HS6ST3: variants seen among roughly 807,000 people sequenced by gnomAD.
HS6ST3 encodes heparan sulfate 6-O-sulfotransferase 3.
Under a neutral mutation model 36.7 loss-of-function variants are expected in HS6ST3, and 12 were observed. The ratio of observed to expected loss-of-function variants is 0.33; its 90% confidence interval spans 0.21 to 0.53. HS6ST3 has a LOEUF of 0.53. Ranked by LOEUF, HS6ST3 falls within the 20% of genes least tolerant of loss-of-function variation. The probability of loss-of-function intolerance (pLI) is 0.95; values close to 1 mark genes in which losing one functional copy is unlikely to be tolerated. For missense variants in HS6ST3, 584 were observed against 640.9 expected (o/e 0.91, Z 0.96); for synonymous variants, 240 against 257.5 (o/e 0.93, Z 0.65).
At chr13:96,450,968 C>T (rs532452484) in intron 1 of HS6ST3, among the ~76,000 whole-genome samples, 41 of 152,192 alleles carry the variant, frequency 2.7e-4, no homozygotes, top group African/African-American at 8.9e-4. Flanking sequence ...TCAGTTTTTG[C>T]CGTGTCAAAA....
At chr13:96,569,804 G>A (rs1490449888) in intron 1 of HS6ST3, among the ~76,000 whole-genome samples, 1 of 152,140 alleles carries the variant, frequency 6.6e-6, no homozygotes, top group Non-Finnish European at 1.5e-5. Flanking sequence ...ACCCTGCTCA[G>A]GGTCACTCAG....
At chr13:96,344,137 C>T (rs1420485761) in intron 1 of HS6ST3, among the ~76,000 whole-genome samples, 1 of 151,630 alleles carries the variant, frequency 6.6e-6, no homozygotes, top group Non-Finnish European at 1.5e-5. Context: ...GGTGTGTATA[C>T]GTAGGTGTCA....
At chr13:96,253,277 G>C (rs555629615) in intron 1 of HS6ST3, among the ~76,000 whole-genome samples, 15 of 152,242 alleles carry the variant, frequency 9.9e-5, no homozygotes, top group African/African-American at 3.6e-4. Context: ...TGATTCCGCT[G>C]TGCTGACTCC....
chr13:96,688,591 T>G (rs1874853208), intron 1 of HS6ST3, among the ~76,000 whole-genome samples: 1 of 152,098 alleles, frequency 6.6e-6, no homozygotes. Flanking sequence ...TCTAACCCCA[T>G]CAACTGTCAA....
chr13:96,537,170 C>T (rs1009993666), intron 1 of HS6ST3, among the ~76,000 whole-genome samples: 10 of 152,054 alleles, frequency 6.6e-5, no homozygotes, highest in South Asian at 2.1e-4. Context: ...TGGTGGATGG[C>T]GAAAGGCTTA....
intron 1 of HS6ST3, among the ~76,000 whole-genome samples, chr13:96,494,436 AAC>A (rs2055963396): frequency 6.6e-6 from 1 of 151,748 alleles, no homozygotes; most frequent in Non-Finnish European, 1.5e-5. Flanking sequence ...AGATACACCT[AAC>A]ATTAAATGAC....
chr13:96,699,812 T>C (rs1222135675), intron 1 of HS6ST3, among the ~76,000 whole-genome samples: 1 of 152,250 alleles, frequency 6.6e-6, no homozygotes, highest in Non-Finnish European at 1.5e-5. Flanking sequence ...ATTGCGGCAC[T>C]ATTCACAATA....
At position 96,817,294 on chromosome 13, in the gene HS6ST3, T is replaced by C. The variant is rs185761837; in HGVS notation, c.708-15196T>C. On this transcript the variant is annotated intron_variant, in intron 1 of 1. Transcript: ENST00000376705. ...TTTTAACCTTTGGTGAAATTTGCAG[T>C]GTTGGGATTTTTTATGCTAGAGTGG... Among the ~76,000 whole-genome samples, 5 of 152,282 alleles carry C rather than the reference T, an allele frequency of 3.3e-5. No homozygotes were observed. The East Asian group carries it at 9.7e-4, about 29-fold the overall frequency.
intron 1 of HS6ST3, among the ~76,000 whole-genome samples, chr13:96,526,270 G>T (rs989602390): frequency 1.3e-5 from 2 of 152,182 alleles, no homozygotes; most frequent in African/African-American, 4.8e-5. Flanking sequence ...GACGAGCTTG[G>T]AATTTACCCC....
At chr13:96,382,802 A>G (rs1283304131) in intron 1 of HS6ST3, among the ~76,000 whole-genome samples, 1 of 152,212 alleles carries the variant, frequency 6.6e-6, no homozygotes, top group Non-Finnish European at 1.5e-5. Flanking sequence ...GTTATGAAGA[A>G]CTATATTATT....
At chr13:96,415,683 T>C (rs1421280010) in intron 1 of HS6ST3, among the ~76,000 whole-genome samples, 2 of 152,024 alleles carry the variant, frequency 1.3e-5, no homozygotes, top group Non-Finnish European at 2.9e-5. Context: ...AGAATCTTAC[T>C]GGGAAAAAAA....
chr13:96,574,162 T>C, intron 1 of HS6ST3: 1 of 529,232 alleles, frequency 1.9e-6, no homozygotes, highest in Non-Finnish European at 3.8e-6. Context: ...TGATATCTCC[T>C]CCAATCTGAG....
intron 1 of HS6ST3, among the ~76,000 whole-genome samples, chr13:96,736,370 G>A (rs984314880): frequency 6.6e-6 from 1 of 152,136 alleles, no homozygotes; most frequent in African/African-American, 2.4e-5. Flanking sequence ...TTGATTCCAA[G>A]GCAAATTTAG....
At chr13:96,483,904 T>C (rs2055901430) in intron 1 of HS6ST3, among the ~76,000 whole-genome samples, 1 of 152,190 alleles carries the variant, frequency 6.6e-6, no homozygotes, top group African/African-American at 2.4e-5. Context: ...CTGTATTCCA[T>C]TTTGAGTTAA....
chr13:96,641,234 C>G (rs2056569087), intron 1 of HS6ST3, among the ~76,000 whole-genome samples: 1 of 151,834 alleles, frequency 6.6e-6, no homozygotes, highest in South Asian at 2.1e-4. Context: ...TCTTTCACCT[C>G]TTTGGTTAGA....
chr13:96,187,905 T>C (rs1380651241), intron 1 of HS6ST3, among the ~76,000 whole-genome samples: 1 of 152,182 alleles, frequency 6.6e-6, no homozygotes, highest in African/African-American at 2.4e-5. Flanking sequence ...TAAATGAATC[T>C]CCTTAAGAGG....
intron 1 of HS6ST3, among the ~76,000 whole-genome samples, chr13:96,415,700 CAT>C (rs1251197421): frequency 2.0e-5 from 3 of 152,164 alleles, no homozygotes; most frequent in Non-Finnish European, 4.4e-5. Context: ...AAAAGGGAGA[CAT>C]GTTTCATTTA....
chr13:96,137,725 G>A (rs889066385), intron 1 of HS6ST3, among the ~76,000 whole-genome samples: 4 of 152,146 alleles, frequency 2.6e-5, no homozygotes, highest in African/African-American at 7.2e-5. Flanking sequence ...CCTTTCTGCC[G>A]CCGTGGGCCA....
chr13:96,646,342 A>G (rs1375224801), intron 1 of HS6ST3, among the ~76,000 whole-genome samples: 1 of 151,956 alleles, frequency 6.6e-6, no homozygotes, highest in Non-Finnish European at 1.5e-5. Flanking sequence ...ATGCTTCTAT[A>G]ATTTTTGCTT....
Sources: allele counts gnomAD v4.1 joint callset (sites outside exome capture counted in the v4.1 genomes callset), GRCh38; gene constraint gnomAD v4.1.1; transcripts MANE v1.5; gene names NCBI Gene and HGNC (gene_info 2026-07-23, HGNC 2026-07-21).